The following TBC1D31 variants were observed in gnomAD, a reference collection of about 807,000 sequenced individuals.
TBC1D31 encodes the protein WD repeat domain 67.
TBC1D31 carries 99 observed loss-of-function variants against 132.9 expected under a neutral mutation model. That is an observed-to-expected ratio of 0.74 (90% CI 0.63 to 0.88). TBC1D31 has a LOEUF of 0.88. Among genes scored for constraint, TBC1D31 ranks in the 40% least tolerant of loss-of-function variants. TBC1D31 has a pLI of 0.00. For synonymous variants in TBC1D31, 385 were observed against 419.4 expected (o/e 0.92, Z 1.00); for missense variants, 1,134 against 1,256.6 (o/e 0.90, Z 1.48).
intron 21 of TBC1D31, 56 bp from the exon 22 acceptor site, chr8:123,151,750 A>G (rs1367172193): frequency 1.5e-5 from 22 of 1,473,454 alleles, no homozygotes; most frequent in Non-Finnish European, 1.4e-5. Flanking sequence ...TAAATGCTGT[A>G]TCACCGCTAA....
intron 2 of TBC1D31, 26 bp from the exon 3 acceptor site, chr8:123,082,676 A>G (rs930055690): frequency 1.4e-6 from 2 of 1,459,106 alleles, no homozygotes; most frequent in Non-Finnish European, 1.9e-6. Context: ...AGAATTTGTG[A>G]TACTAATGCA....
At position 123,109,384 on chromosome 8, in the gene TBC1D31, C is replaced by G; in HGVS notation, c.1277C>G (p.Pro426Arg). ...QILLKGYGEY[P>R]TKYRMFIWRS... ...TTATTAAAAGGCTATGGTGAATATC[C>G]AACAAAATACAGGTACAATTTAAAT... Residue 426 changes from proline to arginine, a missense_variant, in exon 9 of 22, where the codon CCA (proline) becomes CGA (arginine). Pro to Arg is a moderately radical substitution (Grantham distance 103). Coordinates refer to ENST00000287380, the MANE Select transcript of TBC1D31 (RefSeq NM_145647.4). 1 of 1,609,584 alleles carries G rather than the reference C, an allele frequency of 6.2e-7. No individual in the cohort carries two copies. Among genetic ancestry groups the G allele is most frequent in the Non-Finnish European group, 8.5e-7 (1 of 1,177,158 alleles).
At chr8:123,108,601 G>A (rs951217009) in intron 8 of TBC1D31, among the ~76,000 whole-genome samples, 12 of 152,218 alleles carry the variant, frequency 7.9e-5, no homozygotes, top group African/African-American at 2.6e-4. Context: ...GCTAAGAATG[G>A]TTTGTGCATT....
intron 6 of TBC1D31, among the ~76,000 whole-genome samples, chr8:123,099,293 G>A (rs1017317948): frequency 5.3e-5 from 8 of 151,840 alleles, no homozygotes; most frequent in African/African-American, 1.7e-4. Flanking sequence ...CTAATTTTTT[G>A]TATTTTTTAG....
intron 11 of TBC1D31, among the ~76,000 whole-genome samples, chr8:123,121,714 A>G (rs1392415852): frequency 6.6e-6 from 1 of 152,174 alleles, no homozygotes; most frequent in Non-Finnish European, 1.5e-5. Context: ...CCATGAATCA[A>G]TTCAACCCTT....
intron 10 of TBC1D31, among the ~76,000 whole-genome samples, chr8:123,111,058 G>A (rs908297839): frequency 1.3e-5 from 2 of 151,888 alleles, no homozygotes; most frequent in Non-Finnish European, 2.9e-5. Flanking sequence ...CTATAAACTG[G>A]CAGTTAGAGC....
At chr8:123,130,167 T>C in intron 15 of TBC1D31, 31 bp from the exon 16 acceptor site, 1 of 1,594,186 alleles carries the variant, frequency 6.3e-7, no homozygotes, top group African/African-American at 1.3e-5. Context: ...AATTGCTGTA[T>C]TTGTTCCACT....
At chr8:123,134,554 G>T (rs1298943923) in intron 17 of TBC1D31, among the ~76,000 whole-genome samples, 3 of 152,008 alleles carry the variant, frequency 2.0e-5, no homozygotes, top group African/African-American at 7.2e-5. Context: ...AAAAAGAAAA[G>T]CAGGGTTTGT....
At chr8:123,130,372 A>G in intron 16 of TBC1D31, 39 bp downstream of exon 16, 1 of 1,569,718 alleles carries the variant, frequency 6.4e-7, no homozygotes, top group East Asian at 2.3e-5. Flanking sequence ...CATCATCTCC[A>G]TTTACTCTCA....
intron 7 of TBC1D31, 173 bp downstream of exon 7, chr8:123,101,180 G>T (rs893208114): frequency 6.7e-5 from 35 of 522,972 alleles, no homozygotes; most frequent in Middle Eastern, 5.2e-4. Context: ...GATTTCTCAC[G>T]TATGCTCCAT....
chr8:123,081,228 G>A (rs1337226002), intron 2 of TBC1D31, among the ~76,000 whole-genome samples: 1 of 151,784 alleles, frequency 6.6e-6, no homozygotes, highest in Non-Finnish European at 1.5e-5. Context: ...TTCATGTTGT[G>A]CTCCCCAGAC....
chr8:123,131,986 T>G (rs1820675004), intron 16 of TBC1D31, among the ~76,000 whole-genome samples: 1 of 152,250 alleles, frequency 6.6e-6, no homozygotes, highest in African/African-American at 2.4e-5. Context: ...AGACTTAACT[T>G]TCTGTCAGGT....
At chr8:123,138,038 G>T (rs1821266775) in intron 17 of TBC1D31, among the ~76,000 whole-genome samples, 1 of 152,132 alleles carries the variant, frequency 6.6e-6, no homozygotes, top group South Asian at 2.1e-4. Context: ...CGTCCAATAT[G>T]TTTCTTCATA....
chr8:123,118,841 TCTTGCCTCAGTCTC>T (rs1819198005), intron 10 of TBC1D31, among the ~76,000 whole-genome samples: 1 of 152,202 alleles, frequency 6.6e-6, no homozygotes, highest in African/African-American at 2.4e-5. Context: ...TAGGCAATCC[TCTTGCCTCAGTCTC>T]CTGAGTAGTA....
At chr8:123,161,634 C>A in the TBC1D31 span, among the ~76,000 whole-genome samples, 3 of 152,114 alleles carry the variant, frequency 2.0e-5, no homozygotes. Context: ...AAAACAGTTT[C>A]ATTATAAACA....
intron 7 of TBC1D31, chr8:123,104,018 T>C (rs912926405): frequency 6.6e-6 from 1 of 152,198 alleles, no homozygotes; most frequent in Non-Finnish European, 1.5e-5. Context: ...ATTTCTGGTA[T>C]TGTGGTAATA....
At chr8:123,142,178 C>A (rs1209279835) in intron 18 of TBC1D31, 84 bp from the exon 19 acceptor site, 3 of 1,016,090 alleles carry the variant, frequency 3.0e-6, no homozygotes, top group East Asian at 5.4e-5. Flanking sequence ...CTGCCCCAGA[C>A]ACTTGGATAC....
chr8:123,107,105 G>A (rs972299855), intron 8 of TBC1D31, among the ~76,000 whole-genome samples: 2 of 152,212 alleles, frequency 1.3e-5, no homozygotes, highest in African/African-American at 4.8e-5. Flanking sequence ...AGGAAGGCGG[G>A]CATTAAGCAT....
At chr8:123,128,203 T>G in intron 13 of TBC1D31, 78 bp from the exon 14 acceptor site, 1 of 739,488 alleles carries the variant, frequency 1.4e-6, no homozygotes. Context: ...ATACACTTTT[T>G]TTAAATTCTT....
Sources: gnomAD v4.1 joint callset for allele counts (sites outside exome capture counted in the v4.1 genomes callset) on GRCh38, gnomAD v4.1.1 for gene constraint, MANE v1.5 for transcripts, NCBI Gene and HGNC (gene_info 2026-07-23, HGNC 2026-07-21) for gene names.